Variants in INSL6 observed in about 807,000 individuals in gnomAD.
INSL6 encodes insulin-like peptide INSL6.
A neutral mutation model predicts 9.4 loss-of-function variants in INSL6; 16 were observed. The observed-to-expected ratio is 1.70, with a 90% confidence interval of 1.15 to 2.59. The LOEUF is 2.59. Ranked by LOEUF, INSL6 falls within the 30% of genes most tolerant of loss-of-function variation. INSL6 has a pLI of 0.00. For missense variants in INSL6, 391 were observed against 257.3 expected (o/e 1.52, Z -3.56); for synonymous variants, 154 against 96.9 (o/e 1.59, Z -3.46).
chr9:5,156,399 T>C (rs1052984995), intron 2 of INSL6, among the ~76,000 whole-genome samples: 1 of 152,220 alleles, frequency 6.6e-6, no homozygotes, highest in African/African-American at 2.4e-5. Flanking sequence ...TGAATATCTC[T>C]ATGGCTATTG....
the INSL6 span, among the ~76,000 whole-genome samples, chr9:5,081,098 T>A: frequency 1.3e-5 from 2 of 151,904 alleles, no homozygotes; most frequent in Non-Finnish European, 2.9e-5. Context: ...GGTTTCACCG[T>A]GTTAGCCAGG....
At chr9:5,015,533 CTTTTCTTTT>C in the INSL6 span, among the ~76,000 whole-genome samples, 1 of 131,516 alleles carries the variant, frequency 7.6e-6, no homozygotes. Context: ...TTTTCTTTTT[CTTTTCTTTT>C]TTTTTTTTTT....
the INSL6 span, among the ~76,000 whole-genome samples, chr9:5,043,034 G>C: frequency 6.6e-6 from 1 of 152,234 alleles, no homozygotes; most frequent in Non-Finnish European, 1.5e-5. Context: ...GGGCCCTGCT[G>C]TGTGGAGGCG....
At chr9:5,116,495 T>A in the INSL6 span, among the ~76,000 whole-genome samples, 2 of 152,322 alleles carry the variant, frequency 1.3e-5, no homozygotes, top group East Asian at 3.9e-4. Context: ...GTTTTGGCCA[T>A]ATCCCCAGTG....
the INSL6 span, chr9:5,080,127 G>A: frequency 1.1e-6 from 1 of 919,738 alleles, no homozygotes; most frequent in Middle Eastern, 2.6e-4. Context: ...AAAGAAAATA[G>A]GCCTGATTAT....
At chr9:5,014,858 C>T in the INSL6 span, among the ~76,000 whole-genome samples, 1 of 152,050 alleles carries the variant, frequency 6.6e-6, no homozygotes, top group Admixed American at 6.6e-5. Context: ...TAGCTATTCT[C>T]CTGTCTATCT....
chr9:5,068,074 C>T, the INSL6 span, among the ~76,000 whole-genome samples: 8 of 151,484 alleles, frequency 5.3e-5, no homozygotes, highest in East Asian at 1.9e-4. Flanking sequence ...GTAGGAGAAG[C>T]GCTTGAACCC....
chr9:5,150,314 A>G (rs1220129149), intron 2 of INSL6, among the ~76,000 whole-genome samples: 1 of 152,228 alleles, frequency 6.6e-6, no homozygotes, highest in East Asian at 1.9e-4. Context: ...TACAACCTAC[A>G]GAATGGGAAA....
At chr9:5,091,081 CCA>C in the INSL6 span, 1 of 503,052 alleles carries the variant, frequency 2.0e-6, no homozygotes, top group East Asian at 3.4e-5. Flanking sequence ...TGGTTATAGT[CCA>C]CGTGGGAAAA....
downstream of INSL6, among the ~76,000 whole-genome samples, chr9:5,123,363 T>G (rs1007982182): frequency 6.6e-6 from 1 of 151,976 alleles, no homozygotes; most frequent in Non-Finnish European, 1.5e-5. Context: ...TCTACGTTCA[T>G]GTGTATACAT....
the INSL6 span, chr9:5,085,750 T>C: frequency 1.3e-6 from 1 of 755,048 alleles, no homozygotes; most frequent in Non-Finnish European, 2.5e-6. Flanking sequence ...GCGCGCTGGC[T>C]AGCTTGCACA....
chr9:5,143,516 G>A (rs1824542876), intron 2 of INSL6, among the ~76,000 whole-genome samples: 1 of 152,004 alleles, frequency 6.6e-6, no homozygotes, highest in African/African-American at 2.4e-5. Context: ...CTGTATTTCT[G>A]TGGGGTCAGT....
the INSL6 span, chr9:5,098,740 C>G: frequency 3.3e-5 from 5 of 151,416 alleles, no homozygotes; most frequent in African/African-American, 1.2e-4. Context: ...GTCGCCCAGG[C>G]TGCAGTGCAG....
Position 5,164,129 on chromosome 9 carries a change from A to G in INSL6, c.426T>C (p.His142=). 1 of 1,612,424 alleles carries G rather than the reference A, an allele frequency of 6.2e-7. No homozygotes were observed. The highest frequency in any genetic ancestry group is 8.5e-7 in the Non-Finnish European group (1 of 1,179,406). Residue 142 remains histidine (H), a synonymous_variant, in exon 2 of 2, where the codon CAT becomes CAC. Coordinates refer to ENST00000381641, the MANE Select transcript of INSL6 (RefSeq NM_007179.3). ...GTTTCTTCTGAAATTTTGCATTCTCATGAATATATACATTGATATTATGTG... is the reference window on the plus strand; with the variant it reads ...GTTTCTTCTGAAATTTTGCATTCTCGTGAATATATACATTGATATTATGTG... The part of the protein sequence containing the change: ...SSSHNINVYI[H]ENAKFQKKRR...
the INSL6 span, chr9:5,111,251 C>T: frequency 5.8e-6 from 3 of 515,060 alleles, no homozygotes; most frequent in African/African-American, 1.9e-5. Context: ...TTGGTAGAGA[C>T]GCAGGCGTGC....
chr9:5,047,828 T>G, the INSL6 span, among the ~76,000 whole-genome samples: 1 of 152,092 alleles, frequency 6.6e-6, no homozygotes, highest in Non-Finnish European at 1.5e-5. Flanking sequence ...TTCAAACACC[T>G]GGCTTCAAAT....
At chr9:5,082,628 G>A in the INSL6 span, among the ~76,000 whole-genome samples, 13 of 152,304 alleles carry the variant, frequency 8.5e-5, no homozygotes, top group South Asian at 6.2e-4. Context: ...CCCATCCCAC[G>A]AGGCCATATT....
the INSL6 span, among the ~76,000 whole-genome samples, chr9:5,030,209 T>A: frequency 6.6e-6 from 1 of 152,210 alleles, no homozygotes; most frequent in Non-Finnish European, 1.5e-5. Context: ...CCTAAATGTT[T>A]GGGATATTGC....
chr9:5,177,073 G>T (rs1825325306), intron 1 of INSL6, among the ~76,000 whole-genome samples: 2 of 152,144 alleles, frequency 1.3e-5, no homozygotes, highest in Admixed American at 1.3e-4. Context: ...GGTCAATGGG[G>T]TCGGGGGGAG....
Sources: gnomAD v4.1 joint callset for allele counts (sites outside exome capture counted in the v4.1 genomes callset) on GRCh38, gnomAD v4.1.1 for gene constraint, MANE v1.5 for transcripts, NCBI Gene and HGNC (gene_info 2026-07-23, HGNC 2026-07-21) for gene names.